Variants in INPP5D observed in about 807,000 individuals in gnomAD.
INPP5D encodes phosphatidylinositol 3,4,5-trisphosphate 5-phosphatase 1.
A neutral mutation model predicts 122.9 loss-of-function variants in INPP5D; 33 were observed. That is an observed-to-expected ratio of 0.27 (90% CI 0.20 to 0.36). The LOEUF is 0.36. Among genes scored for constraint, INPP5D ranks in the 10% least tolerant of loss-of-function variants. The pLI, the probability that INPP5D is intolerant of heterozygous loss-of-function variation, is 1.00. For synonymous variants in INPP5D, 584 were observed against 576.2 expected, an observed-to-expected ratio of 1.01 and a Z score of -0.19; for missense variants, 1,053 against 1,412.7, an observed-to-expected ratio of 0.75 and a Z score of 4.08.
Position 233,204,490 on chromosome 2 carries a change from G to T in INPP5D, c.3340G>T (p.Ala1114Ser), listed in dbSNP as rs183268527. Reference protein sequence around the residue: ...GKPKTPVSSQAPVPAKRPIKP... With the variant: ...GKPKTPVSSQSPVPAKRPIKP... Reference sequence around the variant, plus strand: ...GCCCAAGACCCCGGTCAGCTCCCAGGCCCCGGTGCCGGCCAAGAGGCCCAT... The same window carrying T: ...GCCCAAGACCCCGGTCAGCTCCCAGTCCCCGGTGCCGGCCAAGAGGCCCAT... The change falls in exon 26 of 27, where the codon GCC becomes TCC. Residue 1114 changes from alanine to serine, a missense_variant. By Grantham distance (99) the Ala-to-Ser change is moderately conservative. Around this residue, in one of 6 missense-constraint regions of INPP5D, gnomAD observed 417 missense variants for 425.8 expected, o/e 0.98. Transcript: ENST00000445964. 2 of 1,583,260 alleles carry T rather than the reference G, an allele frequency of 1.3e-6. No homozygotes were observed. The highest frequency in any genetic ancestry group is 1.7e-6 in the Non-Finnish European group (2 of 1,165,996).
chr2:233,206,097 G>A lies in INPP5D; in HGVS notation c.3568-609G>A, dbSNP rs1351412536. ...CCATCTCAAAAAAGAGAACAGTCAGGCTATGTTGGATTTGAATCCCAGCCC... is the reference window on the plus strand; with the variant it reads ...CCATCTCAAAAAAGAGAACAGTCAGACTATGTTGGATTTGAATCCCAGCCC... On this transcript the variant is annotated intron_variant, in intron 26 of 26. Transcript: ENST00000445964. The surrounding 1 kb of genome is among the most constrained non-coding windows in gnomAD (Gnocchi z 4.0). Among the ~76,000 whole-genome samples the A allele has an allele frequency of 6.6e-6, 1 of 151,894 alleles. No homozygotes were observed. The highest frequency in any genetic ancestry group is 1.5e-5 in the Non-Finnish European group (1 of 67,992).
chr2:233,171,327 C>T (rs1574784163), intron 17 of INPP5D, 175 bp downstream of exon 17: 3 of 930,584 alleles, frequency 3.2e-6, no homozygotes, highest in East Asian at 2.8e-5. Flanking sequence ...CACACTTGTG[C>T]ACTGCTTTGA....
chr2:233,185,737 A>AT, intron 20 of INPP5D, 106 bp from the exon 21 acceptor site: 19 of 951,118 alleles, frequency 2.0e-5, no homozygotes, highest in Non-Finnish European at 2.6e-5. Context: ...AAAAAAAAAA[A>AT]GGAGAGAGCA....
intron 2 of INPP5D, among the ~76,000 whole-genome samples, chr2:233,117,395 C>G (rs1264272545): frequency 1.3e-5 from 2 of 152,278 alleles, no homozygotes; most frequent in South Asian, 4.1e-4. Context: ...CCAGTTCATT[C>G]GCTTCCCTGC....
At chr2:233,171,249 CA>C (rs368505722) in intron 17 of INPP5D, 97 bp downstream of exon 17, 27,991 of 1,056,672 alleles carry the variant, frequency 0.026, no homozygotes, top group South Asian at 0.057. Flanking sequence ...ATCCATTAGG[CA>C]AAAAAAAAAG....
At chr2:233,140,466 A>G (rs1693610455) in intron 6 of INPP5D, 1 of 152,274 alleles carries the variant, frequency 6.6e-6, no homozygotes, top group Non-Finnish European at 1.5e-5. Flanking sequence ...TACCTGCAAC[A>G]AAGCTTAGGG....
At chr2:233,181,125 C>T (rs540833947) in intron 18 of INPP5D, among the ~76,000 whole-genome samples, 1 of 152,220 alleles carries the variant, frequency 6.6e-6, no homozygotes, top group Non-Finnish European at 1.5e-5. Flanking sequence ...CCCCCACTCC[C>T]ATCCTTCTCT....
chr2:233,179,479 G>A (rs946310762), intron 18 of INPP5D, among the ~76,000 whole-genome samples: 5 of 152,192 alleles, frequency 3.3e-5, no homozygotes, highest in African/African-American at 9.7e-5. Flanking sequence ...AAAACTGCTC[G>A]ACAGTGGAGG....
chr2:233,170,302 G>A lies in INPP5D; in HGVS notation c.1791+138G>A. On this transcript the variant is annotated intron_variant, in intron 15 of 26. Transcript: ENST00000445964. This position sits in a 1 kb window ranked among gnomAD's most constrained non-coding sequence, Gnocchi z 4.5. The stretch of plus-strand genomic sequence containing the variant: ...CTGCTCCCCTTGGGGGCTCAACGCT[G>A]TTTCCATTACTGAGCCTCAGCCGCT... 3 of 1,495,462 alleles carry A rather than the reference G, an allele frequency of 2.0e-6. No homozygotes were observed. Among genetic ancestry groups the A allele is most frequent in the Non-Finnish European group, 2.7e-6 (3 of 1,117,234 alleles). 92.6% of individuals were successfully genotyped at this position (1,495,462 alleles called of 1,614,324 possible). A position where few individuals can be genotyped will look rare whatever the true frequency, so the allele number is the denominator to read the frequency against.
At position 233,060,361 on chromosome 2, in the gene INPP5D, G is replaced by A; in HGVS notation, c.-118G>A. On this transcript the variant is annotated 5_prime_UTR_variant, in exon 1 of 27. Transcript: ENST00000445964. ...TCAGTCAGTTAAGCTGGTGGCAGCA[G>A]CCGAGGCCACCAAGAGGCAACGGGC... The A allele has an allele frequency of 8.2e-7, 1 of 1,216,382 alleles. No individual in the cohort carries two copies. The highest frequency in any genetic ancestry group is 1.1e-6 in the Non-Finnish European group (1 of 884,232). 75.3% of individuals were successfully genotyped at this position (1,216,382 alleles called of 1,614,324 possible).
intron 10 of INPP5D, among the ~76,000 whole-genome samples, chr2:233,161,332 T>G (rs879737626): frequency 3.9e-5 from 6 of 152,104 alleles, no homozygotes; most frequent in Admixed American, 3.9e-4. Context: ...CCTCAGGTGA[T>G]CCACCCACCT....
chr2:233,194,887 C>T (rs1211825496), intron 23 of INPP5D, among the ~76,000 whole-genome samples: 1 of 152,020 alleles, frequency 6.6e-6, no homozygotes, highest in African/African-American at 2.4e-5. Context: ...CTGCAACCTC[C>T]GCCTCCCAGG....
At chr2:233,109,908 A>C (rs1376148820) in intron 2 of INPP5D, among the ~76,000 whole-genome samples, 1 of 151,178 alleles carries the variant, frequency 6.6e-6, no homozygotes, top group Admixed American at 6.6e-5. Flanking sequence ...TTTTTGAGAC[A>C]GGGTCTCATT....
intron 9 of INPP5D, 141 bp downstream of exon 9, chr2:233,147,735 T>C: frequency 3.3e-6 from 2 of 612,004 alleles, no homozygotes; most frequent in East Asian, 2.8e-5. Flanking sequence ...TTTGTGTGTG[T>C]GTGTGTCTCT....
intron 1 of INPP5D, among the ~76,000 whole-genome samples, chr2:233,075,759 G>A (rs898245629): frequency 6.6e-6 from 1 of 152,092 alleles, no homozygotes. Flanking sequence ...GTGTGGCGGG[G>A]CTGATGGGGT....
At chr2:233,063,383 A>G (rs1283080170) in intron 1 of INPP5D, among the ~76,000 whole-genome samples, 1 of 152,202 alleles carries the variant, frequency 6.6e-6, no homozygotes, top group African/African-American at 2.4e-5. Flanking sequence ...CAAGGGGACA[A>G]CGGCCGGAGT....
chr2:233,089,243 G>C (rs1256591428), intron 2 of INPP5D, among the ~76,000 whole-genome samples: 2 of 152,122 alleles, frequency 1.3e-5, no homozygotes, highest in Non-Finnish European at 2.9e-5. Flanking sequence ...ATCCCTTTCT[G>C]GCCTGGTTGC....
chr2:233,153,755 G>A (rs1012814681), intron 9 of INPP5D, among the ~76,000 whole-genome samples: 3 of 152,182 alleles, frequency 2.0e-5, no homozygotes, highest in African/African-American at 7.2e-5. Context: ...GATATTCTTT[G>A]GAGAAGGTGA....
At chr2:233,196,313 T>G (rs1054017106) in intron 24 of INPP5D, among the ~76,000 whole-genome samples, 11 of 152,170 alleles carry the variant, frequency 7.2e-5, no homozygotes, top group Non-Finnish European at 1.6e-4. Context: ...CTGGGGAAAT[T>G]CTAATGTGAC....
Sources: gnomAD v4.1 joint callset for allele counts (sites outside exome capture counted in the v4.1 genomes callset) on GRCh38, gnomAD v4.1.1 for gene constraint, gnomAD v4.1.1 regional missense constraint, Gnocchi (gnomAD v3.1) non-coding constraint, MANE v1.5 for transcripts, NCBI Gene and HGNC (gene_info 2026-07-23, HGNC 2026-07-21) for gene names.